Variants in CSTF3 observed in about 807,000 individuals in gnomAD.
CSTF3 encodes the protein CF-1 77 kDa subunit.
Under a neutral mutation model 105.8 loss-of-function variants are expected in CSTF3, and 29 were observed. The observed-to-expected ratio is 0.27, with a 90% CI of 0.20 to 0.37. The LOEUF (loss-of-function observed/expected upper bound fraction) is 0.37, where lower values mean the gene tolerates loss of function less well. Among genes scored for constraint, CSTF3 ranks in the 10% least tolerant of loss-of-function variants. The probability of loss-of-function intolerance (pLI) is 1.00; values close to 1 mark genes in which losing one functional copy is unlikely to be tolerated. For missense variants in CSTF3, 357 were observed against 879.3 expected (o/e 0.41, Z 7.51); for synonymous variants, 252 against 281.9 (o/e 0.89, Z 1.06).
chr11:33,106,034 T>A lies in CSTF3; in HGVS notation c.387A>T (p.Ala129=). ...KEKMAQAYDF[A]LDKIGMEIMS... ...TAATTTCCATTCCAATTTTATCCAG[T>A]GCAAAGTCATATGCTTGAGCCATTT... Residue 129 remains alanine, a synonymous_variant, in exon 6 of 21, where the codon GCA becomes GCT. Coordinates refer to ENST00000323959, the MANE Select transcript of CSTF3 (RefSeq NM_001326.3). The A allele has an allele frequency of 6.2e-7, 1 of 1,613,282 alleles. No individual in the cohort carries two copies. Among genetic ancestry groups the A allele is most frequent in the Non-Finnish European group, 8.5e-7 (1 of 1,179,472 alleles).
At chr11:33,142,218 GA>G (rs968885593) in intron 1 of CSTF3, among the ~76,000 whole-genome samples, 2 of 145,330 alleles carry the variant, frequency 1.4e-5, no homozygotes, top group African/African-American at 2.5e-5. Flanking sequence ...TACTCAGAGA[GA>G]AAAAAAAAAG....
Position 33,084,633 on chromosome 11 carries a change from C to T in CSTF3, c.*454G>A, listed in dbSNP as rs1425237295. ...AAAGGACTTTTAAAATTTGAAACTA[C>T]AAAACGGATTTCATACATTCTGCCA... On this transcript the variant is annotated 3_prime_UTR_variant, in exon 21 of 21. Transcript: ENST00000323959. The T allele has an allele frequency of 6.4e-6, 1 of 155,904 alleles. No individual in the cohort carries two copies. Among genetic ancestry groups the T allele is most frequent in the African/African-American group, 2.4e-5 (1 of 41,458 alleles). The allele number at this position is 155,904 out of a possible 1,614,324, so 9.7% of individuals were successfully genotyped here.
intron 3 of CSTF3, among the ~76,000 whole-genome samples, chr11:33,123,799 A>AG (rs1855517142): frequency 6.6e-6 from 1 of 152,136 alleles, no homozygotes; most frequent in Admixed American, 6.5e-5. Flanking sequence ...ATTGTCTCTG[A>AG]GGGGAACTGG....
chr11:33,150,251 A>T (rs1481671792), intron 1 of CSTF3, among the ~76,000 whole-genome samples: 1 of 35,020 alleles, frequency 2.9e-5, no homozygotes, highest in African/African-American at 4.5e-5. Context: ...AAAAGAAAAG[A>T]AAAGAAAACA....
chr11:33,094,894 ACTTT>A (rs1855202596), intron 15 of CSTF3, among the ~76,000 whole-genome samples: 1 of 151,750 alleles, frequency 6.6e-6, no homozygotes. Context: ...TTATTTATTT[ACTTT>A]ATTATTATTA....
chr11:33,161,341 C>T lies in CSTF3; in HGVS notation c.-16G>A. The stretch of plus-strand genomic sequence containing the variant: ...CTCCTGACATGGCCTCAGCTGATTA[C>T]AACGTGCGCACTGACCGTCGATGGG... On this transcript the variant is annotated 5_prime_UTR_variant, in exon 1 of 21. Transcript: ENST00000323959. 1 of 1,612,430 alleles carries T rather than the reference C, an allele frequency of 6.2e-7. No individual in the cohort carries two copies. Among genetic ancestry groups the T allele is most frequent in the Non-Finnish European group, 8.5e-7 (1 of 1,179,990 alleles).
intron 3 of CSTF3, among the ~76,000 whole-genome samples, chr11:33,137,643 T>C (rs1237275014): frequency 6.6e-6 from 1 of 151,840 alleles, no homozygotes; most frequent in East Asian, 1.9e-4. Flanking sequence ...CATTTATATA[T>C]GCATCTAAGA....
At chr11:33,110,181 A>T (rs557747400) in intron 3 of CSTF3, among the ~76,000 whole-genome samples, 1 of 152,222 alleles carries the variant, frequency 6.6e-6, no homozygotes, top group East Asian at 1.9e-4. Flanking sequence ...CTGCCTATTC[A>T]CTGAAGCTGT....
Position 33,105,886 on chromosome 11 carries a change from C to T in CSTF3, c.455G>A (p.Gly152Asp). Residue 152 changes from glycine to aspartate, a missense_variant, in exon 7 of 21, where the codon GGC (glycine) becomes GAC (aspartate). Gly to Asp is a moderately conservative substitution (Grantham distance 94). This residue lies in a region of CSTF3 where 78 missense variants were observed against 180.4 expected (regional missense o/e 0.43). Coordinates refer to ENST00000323959, the MANE Select transcript of CSTF3 (RefSeq NM_001326.3). ...IWVDYINFLK[G>D]VEAVGSYAEN... ...AAAAAACTATACAAATACTTACACG[C>T]CTTTTAGGAAATTGATGTAATCCAC... is the stretch of plus-strand genomic sequence containing the variant. 6.4e-7 allele frequency: 1 copy of T among 1,564,682 alleles called. No homozygotes were observed. Among genetic ancestry groups the T allele is most frequent in the Non-Finnish European group, 8.7e-7 (1 of 1,154,086 alleles).
At chr11:33,101,398 G>A (rs1855279187) in intron 10 of CSTF3, among the ~76,000 whole-genome samples, 1 of 152,216 alleles carries the variant, frequency 6.6e-6, no homozygotes, top group African/African-American at 2.4e-5. Flanking sequence ...AACTAAGGGA[G>A]ATGAAGTTTA....
At chr11:33,122,467 C>T (rs778574900) in intron 3 of CSTF3, among the ~76,000 whole-genome samples, 14 of 151,950 alleles carry the variant, frequency 9.2e-5, no homozygotes, top group African/African-American at 1.5e-4. Context: ...CATTATATAA[C>T]AGTATGTGAG....
rs1306131263 is a variant in CSTF3 at position 33,125,277 on chromosome 11, A to C, written c.225+16390T>G. On this transcript the variant is annotated intron_variant, in intron 3 of 20. Transcript: ENST00000323959. ...TGTGTTATTAAGCTAATCTTATCTA[A>C]ATTCTAGTTTCTGAAGTCTTTGGAG... Among the ~76,000 whole-genome samples the C allele has an allele frequency of 2.0e-5, 3 of 152,164 alleles. No individual in the cohort carries two copies. In the East Asian group the frequency reaches 5.8e-4, roughly 29 times the overall value.
In CSTF3 at chr11:33,107,759, C is replaced by A. The variant is rs1244231451; in HGVS notation, c.356+144G>T. The A allele has an allele frequency of 3.2e-5, 17 of 523,922 alleles. No homozygotes were observed. In the East Asian group the frequency reaches 4.5e-4, roughly 14 times the overall value. The allele number at this position is 523,922 out of a possible 1,614,324, so 32.5% of individuals were successfully genotyped here. ...GTGACTTTCTCTGAAGCACTTTTTT[C>A]AAGGTTACTAATTCTTAGGAAATCC... On this transcript the variant is annotated intron_variant, in intron 5 of 20. Transcript: ENST00000323959.
chr11:33,095,819 C>CA (rs71034651), intron 15 of CSTF3, among the ~76,000 whole-genome samples: 49,729 of 146,006 alleles, frequency 0.34, 9,619 homozygotes, highest in Middle Eastern at 0.47. Context: ...GACTCTGTCT[C>CA]AAATAAATAA....
At chr11:33,143,980 C>T (rs1391640540) in intron 1 of CSTF3, among the ~76,000 whole-genome samples, 3 of 151,934 alleles carry the variant, frequency 2.0e-5, no homozygotes, top group East Asian at 3.9e-4. Context: ...ACAGAGACTA[C>T]GTCTCAAAAA....
At chr11:33,087,456 A>G (rs929598702) in intron 17 of CSTF3, among the ~76,000 whole-genome samples, 1 of 152,232 alleles carries the variant, frequency 6.6e-6, no homozygotes, top group African/African-American at 2.4e-5. Flanking sequence ...AGTAGAGGCC[A>G]GGATAATTTG....
intron 3 of CSTF3, among the ~76,000 whole-genome samples, chr11:33,129,795 TAA>T (rs1855580311): frequency 3.9e-5 from 6 of 152,316 alleles, no homozygotes; most frequent in African/African-American, 1.4e-4. Context: ...CTGAATACAC[TAA>T]AGTAAAATTC....
intron 3 of CSTF3, among the ~76,000 whole-genome samples, chr11:33,113,874 A>G (rs1394522335): frequency 6.6e-6 from 1 of 151,990 alleles, no homozygotes; most frequent in African/African-American, 2.4e-5. Flanking sequence ...TGGGCAACAT[A>G]GCAAGGCCCC....
intron 1 of CSTF3, among the ~76,000 whole-genome samples, chr11:33,152,009 T>C (rs1296316886): frequency 6.6e-6 from 1 of 152,206 alleles, no homozygotes; most frequent in African/African-American, 2.4e-5. Flanking sequence ...AAATGTCTGT[T>C]CAAATATTTT....
Sources: allele counts gnomAD v4.1 joint callset (sites outside exome capture counted in the v4.1 genomes callset), GRCh38; gene constraint gnomAD v4.1.1; regional missense constraint gnomAD v4.1.1; transcripts MANE v1.5; gene names NCBI Gene and HGNC (gene_info 2026-07-23, HGNC 2026-07-21).